Variants in KCNJ18 observed in about 807,000 individuals in gnomAD.
The protein encoded by KCNJ18 is potassium inwardly rectifying channel subfamily J member 18.
In KCNJ18, 16 loss-of-function variants were observed where a neutral mutation model predicts 17.3. That is an observed-to-expected ratio of 0.92 (90% confidence interval 0.62 to 1.40). The LOEUF is 1.40. KCNJ18 is among the 40% of genes most tolerant of loss of function. The pLI, the probability that KCNJ18 is intolerant of heterozygous loss-of-function variation, is 0.00. For missense variants in KCNJ18, 462 were observed against 626.8 expected (o/e 0.74, Z 2.81); for synonymous variants, 185 against 262.6 (o/e 0.70, Z 2.86).
At position 21,703,963 on chromosome 17, in the gene KCNJ18, G is replaced by A. The variant is rs1299658128; in HGVS notation, c.1177G>A (p.Asp393Asn). Residue 393 changes from aspartate (D) to asparagine (N), a missense_variant, in exon 3 of 3, where the codon GAC becomes AAC. By Grantham distance (23) the Asp-to-Asn change is conservative. Coordinates refer to ENST00000567955, the MANE Select transcript of KCNJ18 (RefSeq NM_001194958.2). ...GAGCCGTGACGAGGAGGATGAGGCGGACGGAGACCAGGACGGCCGAAGCCG... is the reference window on the plus strand; with the variant it reads ...GAGCCGTGACGAGGAGGATGAGGCGAACGGAGACCAGGACGGCCGAAGCCG... ...FLSRDEEDEA[D>N]GDQDGRSRDG... The A allele has an allele frequency of 2.5e-6, 4 of 1,606,910 alleles. No individual in the cohort carries two copies. The African/African-American group carries it at 5.3e-5, about 21-fold the overall frequency.
Position 21,704,097 on chromosome 17 carries a change from T to C in KCNJ18, c.*9T>C, listed in dbSNP as rs1906081823. 11 of 1,537,448 alleles carry C rather than the reference T, an allele frequency of 7.2e-6. No individual in the cohort carries two copies. The Admixed American group carries it at 1.8e-4, about 25-fold the overall frequency. ...GGGGGTCAGAGATCTGAGCCAACCT[T>C]GGCCGACATGCAGCATCCACCCCTG... On this transcript the variant is annotated 3_prime_UTR_variant, in exon 3 of 3. Transcript: ENST00000567955.
At chr17:21,694,805 A>G (rs1386649701) in intron 1 of KCNJ18, among the ~76,000 whole-genome samples, 1 of 151,254 alleles carries the variant, frequency 6.6e-6, no homozygotes, top group Non-Finnish European at 1.5e-5. Context: ...ATCACCCAAC[A>G]TTCCATCCAT....
rs1906020474 is a variant in KCNJ18, at chr17:21,703,033, A to T, written c.247A>T (p.Met83Leu). Residue 83 changes from methionine (M) to leucine (L), a missense_variant, in exon 3 of 3, where the codon ATG becomes TTG. Physicochemically the swap from Met to Leu is conservative, Grantham distance 15. Around this residue, in one of 5 missense-constraint regions of KCNJ18, gnomAD observed 237 missense variants for 259.4 expected, o/e 0.91. Transcript: ENST00000567955. ...CTGTGTGGACATCCGCTGGCGCTACATGCTGCTCATCTTCTCGCTGGCCTT... is the reference window on the plus strand; with the variant it reads ...CTGTGTGGACATCCGCTGGCGCTACTTGCTGCTCATCTTCTCGCTGGCCTT... ...TTCVDIRWRYMLLIFSLAFLA... is the reference protein window; with the variant it reads ...TTCVDIRWRYLLLIFSLAFLA... 1.2e-6 allele frequency: 2 copies of T among 1,613,222 alleles called. No individual in the cohort carries two copies. Among genetic ancestry groups the T allele is most frequent in the African/African-American group, 2.7e-5 (2 of 74,950 alleles).
At chr17:21,695,639 T>G (rs1905737264) in intron 1 of KCNJ18, among the ~76,000 whole-genome samples, 1 of 152,300 alleles carries the variant, frequency 6.6e-6, no homozygotes, top group Non-Finnish European at 1.5e-5. Context: ...TTCTCTGGAA[T>G]AGTAACAACA....
At chr17:21,693,499 G>A (rs1419545125) in intron 1 of KCNJ18, among the ~76,000 whole-genome samples, 2 of 152,304 alleles carry the variant, frequency 1.3e-5, no homozygotes, top group African/African-American at 4.8e-5. Context: ...CCATGGCCCT[G>A]TGGCAATATC....
intron 1 of KCNJ18, among the ~76,000 whole-genome samples, chr17:21,693,181 G>C (rs1195914002): frequency 1.3e-5 from 2 of 152,310 alleles, no homozygotes; most frequent in Non-Finnish European, 2.9e-5. Flanking sequence ...GGCCCCTGCA[G>C]GTGGCGGGAG....
At chr17:21,695,443 ATCCATCCATCCT>A (rs1480908539) in intron 1 of KCNJ18, among the ~76,000 whole-genome samples, 10 of 145,290 alleles carry the variant, frequency 6.9e-5, no homozygotes, top group South Asian at 6.7e-4. Context: ...CCTATCCATC[ATCCATCCATCCT>A]TCCATCCATC....
intron 1 of KCNJ18, among the ~76,000 whole-genome samples, chr17:21,693,587 C>A (rs1905669920): frequency 6.6e-6 from 1 of 152,302 alleles, no homozygotes; most frequent in African/African-American, 2.4e-5. Flanking sequence ...GTTTTCCTAT[C>A]TGTCCAGAGG....
At chr17:21,701,352 C>A (rs1261793007) in intron 2 of KCNJ18, among the ~76,000 whole-genome samples, 8 of 152,306 alleles carry the variant, frequency 5.3e-5, no homozygotes, top group African/African-American at 1.9e-4. Flanking sequence ...CAGGTGACAC[C>A]CCTGAGCACT....
At chr17:21,693,354 G>C (rs1167711439) in intron 1 of KCNJ18, among the ~76,000 whole-genome samples, 2 of 152,416 alleles carry the variant, frequency 1.3e-5, no homozygotes, top group South Asian at 4.1e-4. Flanking sequence ...CTGGATTTGT[G>C]GTCTGGGGAA....
At position 21,703,185 on chromosome 17, in the gene KCNJ18, C is replaced by T. The variant is rs1195587688; in HGVS notation, c.399C>T (p.Ala133=). ...CVMQVHGFMA[A]FLFSIETQTT... ...TGCAGGTGCACGGCTTCATGGCGGC[C>T]TTCCTCTTCTCCATCGAGACGCAGA... is the stretch of plus-strand genomic sequence containing the variant. The change falls in exon 3 of 3, where the codon GCC becomes GCT. Residue 133 remains alanine (A), a synonymous_variant. Transcript: ENST00000567955. The T allele has an allele frequency of 1.2e-6, 2 of 1,609,312 alleles. No individual in the cohort carries two copies. Among genetic ancestry groups the T allele is most frequent in the East Asian group, 4.5e-5 (2 of 44,698 alleles).
At chr17:21,696,505 T>C (rs1169156772) in intron 2 of KCNJ18, among the ~76,000 whole-genome samples, 1 of 152,176 alleles carries the variant, frequency 6.6e-6, no homozygotes, top group African/African-American at 2.4e-5. Flanking sequence ...ATTCAGCTGC[T>C]TAGTCCTTCA....
chr17:21,697,152 G>A (rs1402164449), intron 2 of KCNJ18, among the ~76,000 whole-genome samples: 1 of 152,304 alleles, frequency 6.6e-6, no homozygotes, highest in Non-Finnish European at 1.5e-5. Context: ...CATGTCCACG[G>A]CTAGAGAGAG....
intron 1 of KCNJ18, among the ~76,000 whole-genome samples, chr17:21,693,123 G>T (rs2142265553): frequency 1.3e-5 from 2 of 152,430 alleles, no homozygotes; most frequent in South Asian, 4.1e-4. Context: ...ATAACCCCGG[G>T]AAGCATTTGT....
At chr17:21,693,922 G>A (rs1391237229) in intron 1 of KCNJ18, among the ~76,000 whole-genome samples, 1 of 152,196 alleles carries the variant, frequency 6.6e-6, no homozygotes, top group Admixed American at 6.5e-5. Context: ...AGAATGATGA[G>A]GGATGGGGAA....
chr17:21,695,441 TCATCCATCCATCCTTCCATC>T (rs1201678223), intron 1 of KCNJ18, among the ~76,000 whole-genome samples: 1 of 76,406 alleles, frequency 1.3e-5, no homozygotes, highest in Non-Finnish European at 3.6e-5. Flanking sequence ...CACCTATCCA[TCATCCATCCATCCTTCCATC>T]CATCCATCCA....
At position 21,703,931 on chromosome 17, in the gene KCNJ18, C is replaced by A. The variant is rs1165910974; in HGVS notation, c.1145C>A (p.Ala382Asp). 1.9e-6 allele frequency: 3 copies of A among 1,610,920 alleles called. No individual in the cohort carries two copies. The highest frequency in any genetic ancestry group is 3.4e-4 in the Middle Eastern group (2 of 5,850). ...TCCTTCTGCTATGAGAACGAGCTGG[C>A]CTTCCTGAGCCGTGACGAGGAGGAT... ...ANSFCYENEL[A>D]FLSRDEEDEA... The change falls in exon 3 of 3, where the codon GCC becomes GAC. Residue 382 changes from alanine to aspartate, a missense_variant. This residue lies in a region of KCNJ18 where 123 missense variants were observed against 117.5 expected (regional missense o/e 1.05). Transcript: ENST00000567955.
In KCNJ18 at chr17:21,703,969, G is replaced by C. The variant is rs1597759047; in HGVS notation, c.1183G>C (p.Asp395His). 6.2e-7 allele frequency: 1 copy of C among 1,604,860 alleles called. No homozygotes were observed. The highest frequency in any genetic ancestry group is 1.7e-5 in the Admixed American group (1 of 59,938). ...SRDEEDEADGDQDGRSRDGLS... is the reference protein window; with the variant it reads ...SRDEEDEADGHQDGRSRDGLS... Reference sequence around the variant, plus strand: ...TGACGAGGAGGATGAGGCGGACGGAGACCAGGACGGCCGAAGCCGGGATGG... The same window carrying C: ...TGACGAGGAGGATGAGGCGGACGGACACCAGGACGGCCGAAGCCGGGATGG... Residue 395 changes from aspartate (D) to histidine (H), a missense_variant, in exon 3 of 3, where the codon GAC (aspartate) becomes CAC (histidine). Physicochemically the swap from Asp to His is moderately conservative, Grantham distance 81. Around this residue, in one of 5 missense-constraint regions of KCNJ18, gnomAD observed 123 missense variants for 117.5 expected, o/e 1.05. Transcript: ENST00000567955.
At chr17:21,699,525 G>A (rs1177862292) in intron 2 of KCNJ18, among the ~76,000 whole-genome samples, 2 of 152,206 alleles carry the variant, frequency 1.3e-5, no homozygotes, top group Non-Finnish European at 2.9e-5. Context: ...GGCAGAGCAG[G>A]GCTGTGTGAG....
Sources: gnomAD v4.1 joint callset for allele counts (sites outside exome capture counted in the v4.1 genomes callset) on GRCh38, gnomAD v4.1.1 for gene constraint, gnomAD v4.1.1 regional missense constraint, MANE v1.5 for transcripts, NCBI Gene and HGNC (gene_info 2026-07-23, HGNC 2026-07-21) for gene names.